VAV1: variants seen among roughly 807,000 people sequenced by gnomAD.
VAV1 encodes the protein proto-oncogene vav.
In VAV1, 33 loss-of-function variants were observed where a neutral mutation model predicts 128.1. That is an observed-to-expected ratio of 0.26 (90% CI 0.20 to 0.34). The LOEUF is 0.34. VAV1 is among the 10% of genes least tolerant of loss of function. The pLI is 1.00. For synonymous variants in VAV1, 394 were observed against 409.8 expected (o/e 0.96, Z 0.47); for missense variants, 715 against 1,093.7 (o/e 0.65, Z 4.88).
intron 20 of VAV1, 42 bp from the exon 21 acceptor site, chr19:6,836,943 C>G (rs1295946862): frequency 1.2e-6 from 2 of 1,606,184 alleles, no homozygotes; most frequent in Admixed American, 3.3e-5. Context: ...GTTATGGATC[C>G]TATAACCTCT....
chr19:6,783,416 C>T (rs1264562086), intron 1 of VAV1, among the ~76,000 whole-genome samples: 4 of 149,386 alleles, frequency 2.7e-5, no homozygotes, highest in Non-Finnish European at 5.9e-5. Context: ...GGGGAAAGAG[C>T]GCTATGAAAG....
At chr19:6,774,962 T>A (rs1309103002) in intron 1 of VAV1, among the ~76,000 whole-genome samples, 2 of 149,636 alleles carry the variant, frequency 1.3e-5, no homozygotes, top group Non-Finnish European at 3.0e-5. Context: ...GATGGGGTTT[T>A]CCCATGTTGA....
At chr19:6,776,405 T>TCC (rs1970639168) in intron 1 of VAV1, among the ~76,000 whole-genome samples, 15 of 87,638 alleles carry the variant, frequency 1.7e-4, no homozygotes, top group South Asian at 4.4e-4. Flanking sequence ...CCCACCCATC[T>TCC]ATCCATCCAT....
intron 24 of VAV1, among the ~76,000 whole-genome samples, chr19:6,851,247 A>G (rs1162540562): frequency 6.6e-6 from 1 of 151,898 alleles, no homozygotes; most frequent in African/African-American, 2.4e-5. Flanking sequence ...CAATCATAGT[A>G]CACTGCAGCC....
At chr19:6,776,586 G>A (rs144593095) in intron 1 of VAV1, among the ~76,000 whole-genome samples, 1,967 of 104,218 alleles carry the variant, frequency 0.019, 18 homozygotes, top group Middle Eastern at 0.061. Context: ...CCACTCATCC[G>A]TCCATCCACT....
At chr19:6,801,808 A>G (rs1260349660) in intron 1 of VAV1, among the ~76,000 whole-genome samples, 3 of 152,238 alleles carry the variant, frequency 2.0e-5, no homozygotes, top group African/African-American at 7.2e-5. Context: ...GGAGCGTGGA[A>G]AGCCAGCCGA....
intron 1 of VAV1, among the ~76,000 whole-genome samples, chr19:6,786,889 C>T (rs949422794): frequency 2.7e-4 from 41 of 151,618 alleles, no homozygotes; most frequent in Middle Eastern, 6.8e-3. Flanking sequence ...TTTGGTATTC[C>T]GCATATTCAG....
intron 1 of VAV1, among the ~76,000 whole-genome samples, chr19:6,802,490 C>T (rs1013422127): frequency 4.6e-5 from 7 of 152,054 alleles, no homozygotes; most frequent in Non-Finnish European, 1.0e-4. Context: ...CCACCGCAGC[C>T]CGGAGAGGGG....
rs1972243632 is a variant in VAV1, at chr19:6,837,146, AG to A, written c.1980+101del. The A allele has an allele frequency of 5.3e-6, 7 of 1,319,528 alleles. No homozygotes were observed. The East Asian group carries it at 7.0e-5, about 13-fold the overall frequency. The allele number at this position is 1,319,528 out of a possible 1,614,324, so 81.7% of individuals were successfully genotyped here. A position where few individuals can be genotyped will look rare whatever the true frequency, so the allele number is the denominator to read the frequency against. On this transcript the variant is annotated intron_variant, in intron 21 of 26. Transcript: ENST00000602142. ...TGGAAAGACACCCCCGGAGTTGGGG[AG>A]GGGGCTGCCCATCATGGCAGGTCTT...
chr19:6,830,215 C>A (rs928521406), intron 14 of VAV1, among the ~76,000 whole-genome samples: 20 of 150,136 alleles, frequency 1.3e-4, no homozygotes, highest in Admixed American at 2.0e-4. Flanking sequence ...CACACCACCA[C>A]GCCCAGCTAA....
chr19:6,857,066 C>T lies in VAV1; in HGVS notation c.2497C>T (p.Pro833Ser). 6.2e-7 allele frequency: 1 copy of T among 1,614,078 alleles called. No individual in the cohort carries two copies. Among genetic ancestry groups the T allele is most frequent in the Non-Finnish European group, 8.5e-7 (1 of 1,179,990 alleles). ...GEIYGRVGWF[P>S]ANYVEEDYSE... ...CGTCTGTTTCCAGGTTGGCTGGTTC[C>T]CTGCCAACTACGTGGAGGAAGATTA... The change falls in exon 27 of 27, where the codon CCT (proline) becomes TCT (serine). Residue 833 changes from proline (P) to serine (S), a missense_variant. Transcript: ENST00000602142.
At chr19:6,796,335 G>A (rs559248727) in intron 1 of VAV1, among the ~76,000 whole-genome samples, 1 of 141,498 alleles carries the variant, frequency 7.1e-6, no homozygotes, top group Admixed American at 6.7e-5. Context: ...AGATATGGCA[G>A]AATATGGGGT....
intron 21 of VAV1, among the ~76,000 whole-genome samples, chr19:6,841,518 AG>A (rs2144810438): frequency 7.2e-6 from 1 of 138,008 alleles, no homozygotes; most frequent in South Asian, 2.3e-4. Flanking sequence ...CTCTGTCCCC[AG>A]GCTGGAGTGC....
chr19:6,793,341 AAG>A (rs1971058566), intron 1 of VAV1, among the ~76,000 whole-genome samples: 1 of 152,062 alleles, frequency 6.6e-6, no homozygotes, highest in Non-Finnish European at 1.5e-5. Flanking sequence ...CTCAAAAAGA[AAG>A]AAAGAAAGAA....
chr19:6,837,516 C>T (rs1704041784), intron 21 of VAV1, among the ~76,000 whole-genome samples: 2 of 152,078 alleles, frequency 1.3e-5, no homozygotes, highest in Non-Finnish European at 2.9e-5. Context: ...ATCTCTCCCT[C>T]TCTCCCCAAC....
At chr19:6,832,411 T>C (rs1017267699) in intron 15 of VAV1, among the ~76,000 whole-genome samples, 3 of 152,086 alleles carry the variant, frequency 2.0e-5, no homozygotes, top group Non-Finnish European at 4.4e-5. Context: ...CAGCCCAGAC[T>C]CTTCTCCTTT....
intron 1 of VAV1, among the ~76,000 whole-genome samples, chr19:6,802,407 C>T (rs1484428344): frequency 1.3e-5 from 2 of 152,108 alleles, no homozygotes; most frequent in African/African-American, 4.8e-5. Flanking sequence ...CTTCAGGCGA[C>T]CAGGAAGTCC....
intron 1 of VAV1, among the ~76,000 whole-genome samples, chr19:6,786,301 G>A (rs1568284257): frequency 6.6e-6 from 1 of 151,988 alleles, no homozygotes; most frequent in African/African-American, 2.4e-5. Flanking sequence ...ATGGGCCCAA[G>A]CTGCCTCGTG....
chr19:6,808,287 G>T (rs866806269), intron 1 of VAV1, among the ~76,000 whole-genome samples: 19 of 151,932 alleles, frequency 1.3e-4, no homozygotes, highest in African/African-American at 4.6e-4. Flanking sequence ...ACTCCAGCCT[G>T]GGAGACAAGA....
Sources: allele counts gnomAD v4.1 joint callset (sites outside exome capture counted in the v4.1 genomes callset), GRCh38; gene constraint gnomAD v4.1.1; transcripts MANE v1.5; gene names NCBI Gene and HGNC (gene_info 2026-07-23, HGNC 2026-07-21).